Variants in HMCN2 observed in about 807,000 individuals in gnomAD.
HMCN2 encodes hemicentin-2.
In HMCN2, 325 loss-of-function variants were observed where a neutral mutation model predicts 377.5. The ratio of observed to expected loss-of-function variants is 0.86; its 90% confidence interval spans 0.79 to 0.94. The LOEUF (loss-of-function observed/expected upper bound fraction) is 0.94. HMCN2 is among the 40% of genes least tolerant of loss of function. HMCN2 has a pLI of 0.00. For missense variants in HMCN2, 4,543 were observed against 4,725.3 expected (o/e 0.96, Z 1.13); for synonymous variants, 2,007 against 2,046.8 (o/e 0.98, Z 0.53).
At chr9:130,365,244 A>G (rs11243623) in intron 41 of HMCN2, among the ~76,000 whole-genome samples, 47,999 of 152,250 alleles carry the variant, frequency 0.32, 9,146 homozygotes, top group Non-Finnish European at 0.41. Flanking sequence ...AGCCCTGAGG[A>G]CAGGTCCCCT....
At chr9:130,429,339 C>CT in intron 93 of HMCN2, 1 of 601,928 alleles carries the variant, frequency 1.7e-6, no homozygotes, top group East Asian at 2.9e-5. Context: ...CACAAAGGGC[C>CT]TTTCAGCCCC....
At chr9:130,429,466 G>A (rs1396319808) in intron 93 of HMCN2, 91 bp from the exon 94 acceptor site, 17 of 1,481,528 alleles carry the variant, frequency 1.1e-5, no homozygotes, top group East Asian at 2.5e-5. Flanking sequence ...GGACAGGGAG[G>A]AGGCCCAGAT....
Position 130,374,518 on chromosome 9 carries a change from G to A in HMCN2, c.7455G>A (p.Lys2485=), listed in dbSNP as rs61746593. ...MCNVTGHPQP[K]LTWFKDGRPL... is the part of the protein sequence containing the mutation. ...TGCATACAGGCCACCCACAGCCCAA[G>A]CTCACATGGTTCAAAGATGGCCGGC... The change falls in exon 49 of 98, where the codon AAG becomes AAA. Residue 2485 remains lysine (K), a synonymous_variant. Transcript: ENST00000683500. 6.0e-3 allele frequency: 5,934 copies of A among 985,880 alleles called. 29 individuals carry two copies. Among genetic ancestry groups the A allele is most frequent in the Non-Finnish European group, 6.7e-3 (5,593 of 829,998 alleles). 61.1% of individuals were successfully genotyped at this position (985,880 alleles called of 1,614,324 possible).
In HMCN2 at chr9:130,350,624, C is replaced by T. The variant is rs147735195; in HGVS notation, c.4431-799C>T. ...ACAGTGGGCCAGGTGCAGTGGCTCA[C>T]GCCTGTAATCCCAGCACTTTGGGAG... On this transcript the variant is annotated intron_variant, in intron 29 of 97. Coordinates refer to ENST00000683500, the MANE Select transcript of HMCN2 (RefSeq NM_001291815.2). 1.1e-3 allele frequency among the ~76,000 whole-genome samples: 164 copies of T among 151,974 alleles called. 1 individual carries two copies. The East Asian group carries it at 0.027, about 25-fold the overall frequency.
chr9:130,307,688 C>G, intron 14 of HMCN2, 122 bp downstream of exon 14: 1 of 430,402 alleles, frequency 2.3e-6, no homozygotes, highest in South Asian at 1.7e-5. Flanking sequence ...CCCCGCCGCC[C>G]TGACCCCCAG....
In HMCN2 at chr9:130,347,627, A is replaced by G. The variant is rs992076377; in HGVS notation, c.4024+267A>G. Among the ~76,000 whole-genome samples, 1 of 152,092 alleles carries G rather than the reference A, an allele frequency of 6.6e-6. No individual in the cohort carries two copies. The highest frequency in any genetic ancestry group is 1.9e-4 in the East Asian group (1 of 5,182). ...AGTGGCAGGTTGCACTGTACACCCC[A>G]CTTCCCTAGAGAGACCCCCACGGAG... On this transcript the variant is annotated intron_variant, in intron 26 of 97. Transcript: ENST00000683500. The surrounding 1 kb of genome is among the most constrained non-coding windows in gnomAD (Gnocchi z 5.1).
In HMCN2 at chr9:130,374,668, C is replaced by A. The variant is rs760195578; in HGVS notation, c.7605C>A (p.Thr2535=). ...CIAANAVGEK[T]KHFQLSVLLA... ...CAGCCAACGCTGTTGGGGAGAAGAC[C>A]AAACACTTCCAGCTCAGTGTCCTGT... Residue 2535 remains threonine, a synonymous_variant, in exon 49 of 98, where the codon ACC becomes ACA. Coordinates refer to ENST00000683500, the MANE Select transcript of HMCN2 (RefSeq NM_001291815.2). 29 of 985,664 alleles carry A rather than the reference C, an allele frequency of 2.9e-5. No homozygotes were observed. The highest frequency in any genetic ancestry group is 3.5e-5 in the Non-Finnish European group (29 of 829,954). 61.1% of individuals were successfully genotyped at this position (985,664 alleles called of 1,614,324 possible).
chr9:130,310,716 G>A (rs565952760), intron 15 of HMCN2, among the ~76,000 whole-genome samples: 19 of 152,272 alleles, frequency 1.2e-4, no homozygotes, highest in Non-Finnish European at 2.5e-4. Flanking sequence ...ACGAGGAGGC[G>A]GGGATCTCTG....
chr9:130,357,726 GC>G (rs1460917611), intron 34 of HMCN2, 107 bp from the exon 35 acceptor site: 1 of 801,114 alleles, frequency 1.2e-6, no homozygotes, highest in African/African-American at 1.8e-5. Flanking sequence ...CCTTTGGCCA[GC>G]CCTTCAAGGG....
chr9:130,406,273 C>T (rs1403280434), intron 82 of HMCN2, 105 bp downstream of exon 82: 4 of 997,632 alleles, frequency 4.0e-6, no homozygotes, highest in South Asian at 2.8e-5. Flanking sequence ...AAGAGGTTGT[C>T]AGCCAGCCCT....
rs117054758 is a variant in HMCN2, at chr9:130,422,026, A to C, written c.13232-551A>C. Among the ~76,000 whole-genome samples, 682 of 152,362 alleles carry C rather than the reference A, an allele frequency of 4.5e-3. 2 individuals are homozygous for C. Among genetic ancestry groups the C allele is most frequent in the Non-Finnish European group, 6.4e-3 (433 of 68,042 alleles). On this transcript the variant is annotated intron_variant, in intron 86 of 97. Coordinates refer to ENST00000683500, the MANE Select transcript of HMCN2 (RefSeq NM_001291815.2). This position sits in a 1 kb window ranked among gnomAD's most constrained non-coding sequence, Gnocchi z 4.2. ...CTGCATCATCCGTTTGATTAGCGCT[A>C]AAGAGCATCTGCTCACAGATGGCCT... is the stretch of plus-strand genomic sequence containing the variant.
At position 130,351,516 on chromosome 9, in the gene HMCN2, C is replaced by G; in HGVS notation, c.4524C>G (p.Tyr1508Ter). 1 of 1,304,266 alleles carries G rather than the reference C, an allele frequency of 7.7e-7. No homozygotes were observed. Among genetic ancestry groups the G allele is most frequent in the African/African-American group, 1.5e-5 (1 of 65,992 alleles). 80.8% of individuals were successfully genotyped at this position (1,304,266 alleles called of 1,614,324 possible). A position where few individuals can be genotyped will look rare whatever the true frequency, so the allele number is the denominator to read the frequency against. Residue 1508 changes from tyrosine to a stop codon, truncating the protein, a stop_gained, in exon 30 of 98, where the codon TAC becomes TAG. Coordinates refer to ENST00000683500, the MANE Select transcript of HMCN2 (RefSeq NM_001291815.2). LOFTEE classifies it high-confidence loss of function. This position sits in a 1 kb window ranked among gnomAD's most constrained non-coding sequence, Gnocchi z 5.4. ...TGSHVGDEGR[Y>*]QCVAFSPAGQ... is the part of the protein sequence containing the mutation. ...GTCACGTGGGGGATGAGGGACGATA[C>G]CAGTGCGTGGCCTTCAGCCCAGCTG... is the stretch of plus-strand genomic sequence containing the variant.
intron 97 of HMCN2, chr9:130,432,762 T>C: frequency 1.7e-6 from 1 of 599,264 alleles, no homozygotes; most frequent in Non-Finnish European, 2.9e-6. Flanking sequence ...AGGACCACCA[T>C]GCAGACTCAC....
At chr9:130,386,023 T>C (rs1450289593) in intron 60 of HMCN2, among the ~76,000 whole-genome samples, 1 of 152,166 alleles carries the variant, frequency 6.6e-6, no homozygotes, top group African/African-American at 2.4e-5. Context: ...CTAGATGCTT[T>C]TATCTGGTCC....
intron 54 of HMCN2, among the ~76,000 whole-genome samples, chr9:130,380,377 G>T (rs989925418): frequency 6.6e-6 from 1 of 152,142 alleles, no homozygotes; most frequent in African/African-American, 2.4e-5. Flanking sequence ...TTTGAGATTC[G>T]AACTGTGTCC....
At position 130,312,324 on chromosome 9, in the gene HMCN2, G is replaced by A. The variant is rs1042233808; in HGVS notation, c.2350+2263G>A. ...GAGAAGGAAGGTCTGTGGCACGTGAGCTGTGATCCAGCTGCTGACACTGGT... is the reference window on the plus strand; with the variant it reads ...GAGAAGGAAGGTCTGTGGCACGTGAACTGTGATCCAGCTGCTGACACTGGT... On this transcript the variant is annotated intron_variant, in intron 15 of 97. Transcript: ENST00000683500. Among the ~76,000 whole-genome samples the A allele has an allele frequency of 3.5e-3, 533 of 152,104 alleles. 2 individuals carry two copies. The highest frequency in any genetic ancestry group is 6.3e-3 in the Non-Finnish European group (427 of 67,978).
chr9:130,349,837 A>C (rs1490947213), intron 29 of HMCN2, among the ~76,000 whole-genome samples, 174 bp downstream of exon 29: 2 of 148,408 alleles, frequency 1.3e-5, no homozygotes, highest in Admixed American at 6.7e-5. Context: ...GAGATTAGCC[A>C]GGGAGACCCC....
At position 130,395,919 on chromosome 9, in the gene HMCN2, T is replaced by C. The variant is rs1196547722; in HGVS notation, c.10912-5T>C. ...GGGTCTGTCCACCCTGGCGGGGCTC[T>C]CCAGGAGGACGCCCACACACAATTC... On this transcript the variant is annotated splice_region_variant and splice_polypyrimidine_tract_variant and intron_variant, in intron 71 of 97. Coordinates refer to ENST00000683500, the MANE Select transcript of HMCN2 (RefSeq NM_001291815.2). The C allele has an allele frequency of 7.8e-7, 1 of 1,286,284 alleles. No individual in the cohort carries two copies. Among genetic ancestry groups the C allele is most frequent in the Admixed American group, 2.3e-5 (1 of 43,472 alleles). 79.7% of individuals were successfully genotyped at this position (1,286,284 alleles called of 1,614,324 possible). A position where few individuals can be genotyped will look rare whatever the true frequency, so the allele number is the denominator to read the frequency against.
intron 62 of HMCN2, among the ~76,000 whole-genome samples, chr9:130,389,468 GC>G (rs1459885891): frequency 6.6e-6 from 1 of 152,070 alleles, no homozygotes; most frequent in African/African-American, 2.4e-5. Flanking sequence ...CCTGTTCTGG[GC>G]ATTTCACATT....
Sources: gnomAD v4.1 joint callset for allele counts (sites outside exome capture counted in the v4.1 genomes callset) on GRCh38, gnomAD v4.1.1 for gene constraint, Gnocchi (gnomAD v3.1) non-coding constraint, MANE v1.5 for transcripts, NCBI Gene and HGNC (gene_info 2026-07-23, HGNC 2026-07-21) for gene names.